ADRA1B: variants seen among roughly 807,000 people sequenced by gnomAD.
ADRA1B encodes the protein alpha-1B adrenergic receptor.
Under a neutral mutation model 17.9 loss-of-function variants are expected in ADRA1B, and 17 were observed. The observed-to-expected ratio is 0.95, with a 90% CI of 0.65 to 1.42. ADRA1B has a LOEUF of 1.42. Ranked by LOEUF, ADRA1B falls within the 40% of genes most tolerant of loss-of-function variation. The probability of loss-of-function intolerance (pLI) is 0.00; values close to 1 mark genes in which losing one functional copy is unlikely to be tolerated. For missense variants in ADRA1B, 681 were observed against 722.1 expected (o/e 0.94, Z 0.65); for synonymous variants, 366 against 327.6 (o/e 1.12, Z -1.27).
chr5:159,877,398 TC>T (rs1464192754), intron 1 of ADRA1B, among the ~76,000 whole-genome samples: 2 of 152,168 alleles, frequency 1.3e-5, no homozygotes, highest in Non-Finnish European at 2.9e-5. Flanking sequence ...CTTCATGCCC[TC>T]TGGTTGCCGT....
chr5:159,901,374 AG>A, intron 1 of ADRA1B, among the ~76,000 whole-genome samples: 3 of 127,586 alleles, frequency 2.4e-5, no homozygotes, highest in Non-Finnish European at 4.9e-5. Flanking sequence ...CTACAAGAAG[AG>A]GAAGGAGGAG....
At chr5:159,909,470 TC>T in intron 1 of ADRA1B, among the ~76,000 whole-genome samples, 1 of 152,014 alleles carries the variant, frequency 6.6e-6, no homozygotes, top group South Asian at 2.1e-4. Flanking sequence ...CAAGTGAAAA[TC>T]CCCCAAAAGG....
intron 1 of ADRA1B, chr5:159,870,763 C>A (rs1156846537): frequency 6.6e-6 from 1 of 152,110 alleles, no homozygotes; most frequent in Non-Finnish European, 1.5e-5. Flanking sequence ...AAAATCAATG[C>A]ATAAAGCCAA....
intron 1 of ADRA1B, among the ~76,000 whole-genome samples, chr5:159,971,553 G>T (rs1015167994): frequency 2.0e-5 from 3 of 152,202 alleles, no homozygotes; most frequent in African/African-American, 7.2e-5. Flanking sequence ...ATGTGCAATT[G>T]TGGGCGATTA....
intron 1 of ADRA1B, among the ~76,000 whole-genome samples, chr5:159,884,775 A>G (rs775771814): frequency 2.0e-5 from 3 of 152,218 alleles, no homozygotes; most frequent in African/African-American, 4.8e-5. Flanking sequence ...AAATGTTCAG[A>G]TCTACCACCC....
At chr5:159,871,915 T>C (rs1444422798) in intron 1 of ADRA1B, among the ~76,000 whole-genome samples, 3 of 152,186 alleles carry the variant, frequency 2.0e-5, no homozygotes, top group Non-Finnish European at 2.9e-5. Flanking sequence ...CTGCAGGGTC[T>C]CCTCCTCTGC....
chr5:159,938,363 T>C (rs17468607), intron 1 of ADRA1B, among the ~76,000 whole-genome samples: 7,792 of 152,334 alleles, frequency 0.051, 246 homozygotes, highest in East Asian at 0.13. Flanking sequence ...ATCCTCAAAG[T>C]CTTCCAACCA....
chr5:159,904,418 G>A (rs1325663364), intron 1 of ADRA1B, among the ~76,000 whole-genome samples: 2 of 152,224 alleles, frequency 1.3e-5, no homozygotes, highest in African/African-American at 4.8e-5. Flanking sequence ...TTAATTCAAG[G>A]AAAGTAGTTG....
intron 1 of ADRA1B, among the ~76,000 whole-genome samples, chr5:159,881,655 C>CA (rs1753864662): frequency 1.3e-5 from 2 of 152,102 alleles, no homozygotes; most frequent in African/African-American, 4.8e-5. Flanking sequence ...ATCTCTTTAG[C>CA]AAGGATTCGA....
intron 1 of ADRA1B, among the ~76,000 whole-genome samples, chr5:159,921,181 C>A (rs1465889171): frequency 6.6e-6 from 1 of 152,148 alleles, no homozygotes; most frequent in Non-Finnish European, 1.5e-5. Flanking sequence ...CAGAGCTCTC[C>A]CCACCTGGGA....
At chr5:159,895,188 C>T (rs1330134439) in intron 1 of ADRA1B, among the ~76,000 whole-genome samples, 2 of 152,170 alleles carry the variant, frequency 1.3e-5, no homozygotes, top group African/African-American at 4.8e-5. Context: ...CCGGCTGGAG[C>T]CTGATGCTCT....
intron 1 of ADRA1B, among the ~76,000 whole-genome samples, chr5:159,956,255 C>T (rs958178450): frequency 6.6e-6 from 1 of 152,096 alleles, no homozygotes; most frequent in Non-Finnish European, 1.5e-5. Flanking sequence ...AAACAAACAA[C>T]AAAAATGTCC....
chr5:159,903,843 A>T (rs1754128220), intron 1 of ADRA1B, among the ~76,000 whole-genome samples: 2 of 151,988 alleles, frequency 1.3e-5, no homozygotes, highest in African/African-American at 4.8e-5. Flanking sequence ...GCTGGAGGGG[A>T]GGGTCCGCCT....
chr5:159,886,753 T>TG (rs1268292827), intron 1 of ADRA1B, among the ~76,000 whole-genome samples: 3 of 152,106 alleles, frequency 2.0e-5, no homozygotes, highest in African/African-American at 7.2e-5. Flanking sequence ...GTTATGAGCA[T>TG]GGTCTTATAA....
chr5:159,943,066 G>T (rs1405122058), intron 1 of ADRA1B, among the ~76,000 whole-genome samples: 1 of 152,048 alleles, frequency 6.6e-6, no homozygotes, highest in African/African-American at 2.4e-5. Flanking sequence ...ACAAAAATTA[G>T]CCGGGCATGG....
At chr5:159,884,051 C>T (rs1753895961) in intron 1 of ADRA1B, among the ~76,000 whole-genome samples, 1 of 152,202 alleles carries the variant, frequency 6.6e-6, no homozygotes. Flanking sequence ...GAGAAGTGGT[C>T]TGTGGCATCG....
At chr5:159,901,198 A>T (rs1754096818) in intron 1 of ADRA1B, among the ~76,000 whole-genome samples, 1 of 151,784 alleles carries the variant, frequency 6.6e-6, no homozygotes, top group Admixed American at 6.6e-5. Context: ...GATCAAAGAT[A>T]ATCCATTCTC....
intron 1 of ADRA1B, among the ~76,000 whole-genome samples, chr5:159,926,607 C>T (rs931519360): frequency 6.6e-6 from 1 of 152,108 alleles, no homozygotes; most frequent in Non-Finnish European, 1.5e-5. Flanking sequence ...GGAAATGGGG[C>T]CAGCCATGGT....
intron 1 of ADRA1B, among the ~76,000 whole-genome samples, chr5:159,886,222 C>T (rs572396197): frequency 2.0e-5 from 3 of 152,242 alleles, no homozygotes; most frequent in African/African-American, 7.2e-5. Flanking sequence ...GACCCATAGT[C>T]TGCCTTAAAT....
Sources: gnomAD v4.1 joint callset for allele counts (sites outside exome capture counted in the v4.1 genomes callset) on GRCh38, gnomAD v4.1.1 for gene constraint, MANE v1.5 for transcripts, NCBI Gene and HGNC (gene_info 2026-07-23, HGNC 2026-07-21) for gene names.